SARDH: variants seen among roughly 807,000 people sequenced by gnomAD.
SARDH encodes the protein sarcosine dehydrogenase.
SARDH carries 95 observed loss-of-function variants against 109.1 expected under a neutral mutation model. The ratio of observed to expected loss-of-function variants is 0.87; its 90% CI spans 0.74 to 1.03. SARDH has a LOEUF of 1.03. Among genes scored for constraint, SARDH ranks in the 50% least tolerant of loss-of-function variants. The pLI is 0.00. For missense variants in SARDH, 1,267 were observed against 1,287.8 expected (o/e 0.98, Z 0.25); for synonymous variants, 572 against 534.8 (o/e 1.07, Z -0.96).
rs116423679 is a variant in SARDH, at chr9:133,710,204, C to T, written c.1329-1776G>A. On this transcript the variant is annotated intron_variant, in intron 10 of 20. Transcript: ENST00000439388. Reference sequence around the variant, plus strand: ...GCCAAGCGTCCACACGCATGAGCCTCGAGTGCGCTCCAAGAGGGTGGTACA... The same window carrying T: ...GCCAAGCGTCCACACGCATGAGCCTTGAGTGCGCTCCAAGAGGGTGGTACA... Among the ~76,000 whole-genome samples, 1,492 of 152,328 alleles carry T rather than the reference C, an allele frequency of 9.8e-3. 24 individuals carry two copies. Among genetic ancestry groups the T allele is most frequent in the African/African-American group, 0.034 (1,424 of 41,560 alleles).
chr9:133,694,516 A>G, intron 14 of SARDH, 145 bp from the exon 15 acceptor site: 1 of 719,606 alleles, frequency 1.4e-6, no homozygotes, highest in South Asian at 1.6e-5. Context: ...CTGGGAGGTG[A>G]CCTGGAGAGC....
chr9:133,671,458 G>A (rs1303844379), intron 18 of SARDH, 77 bp downstream of exon 18: 6 of 1,446,578 alleles, frequency 4.1e-6, no homozygotes, highest in East Asian at 2.6e-5. Flanking sequence ...ACAGCTTCTC[G>A]GCCTCCAGGT....
chr9:133,706,158 G>A (rs913747273), intron 11 of SARDH, among the ~76,000 whole-genome samples: 1 of 152,186 alleles, frequency 6.6e-6, no homozygotes, highest in Admixed American at 6.5e-5. Flanking sequence ...TTCCGTTCAC[G>A]CATGTTCACT....
intron 17 of SARDH, among the ~76,000 whole-genome samples, chr9:133,673,914 T>C (rs1830434101): frequency 6.6e-6 from 1 of 152,154 alleles, no homozygotes; most frequent in African/African-American, 2.4e-5. Context: ...AGCAGTCCCA[T>C]CCTTCCTGGC....
chr9:133,704,619 G>A lies in SARDH; in HGVS notation c.1554+329C>T, dbSNP rs1264484716. Among the ~76,000 whole-genome samples the A allele has an allele frequency of 2.6e-5, 4 of 152,176 alleles. No homozygotes were observed. The highest frequency in any genetic ancestry group is 9.7e-5 in the African/African-American group (4 of 41,438). ...GACGCTCCATTCCTCCTGCAACCTG[G>A]GGGAGTCTTCTTGCTGTCTCCCCAC... On this transcript the variant is annotated intron_variant, in intron 12 of 20. Transcript: ENST00000439388. The surrounding 1 kb of genome is among the most constrained non-coding windows in gnomAD (Gnocchi z 4.5).
At chr9:133,726,558 C>A (rs1261990681) in intron 6 of SARDH, among the ~76,000 whole-genome samples, 1 of 152,042 alleles carries the variant, frequency 6.6e-6, no homozygotes, top group Non-Finnish European at 1.5e-5. Flanking sequence ...GACTTACCTG[C>A]CCCTTGCACA....
In SARDH at chr9:133,718,362, G is replaced by A. The variant is rs1401088910; in HGVS notation, c.1020+576C>T. 5.6e-5 allele frequency: 15 copies of A among 270,068 alleles called. No homozygotes were observed. Among genetic ancestry groups the A allele is most frequent in the South Asian group, 1.8e-4 (3 of 16,616 alleles). The allele number at this position is 270,068 out of a possible 1,614,324, so 16.7% of individuals were successfully genotyped here. On this transcript the variant is annotated intron_variant, in intron 7 of 20. Coordinates refer to ENST00000439388, the MANE Select transcript of SARDH (RefSeq NM_001134707.2). This position sits in a 1 kb window ranked among gnomAD's most constrained non-coding sequence, Gnocchi z 4.2. ...GCTGGGATTACAGGTGTGAGCCACC[G>A]TGCCCAGCCATTTGTTTGTTTATTG...
chr9:133,688,541 C>G (rs976241400), intron 16 of SARDH, among the ~76,000 whole-genome samples: 2 of 152,086 alleles, frequency 1.3e-5, no homozygotes, highest in African/African-American at 2.4e-5. Flanking sequence ...CAGCAGAGAC[C>G]CCCCCACCAA....
chr9:133,729,989 C>T, intron 5 of SARDH, 75 bp downstream of exon 5: 1 of 1,597,406 alleles, frequency 6.3e-7, no homozygotes, highest in Admixed American at 1.7e-5. Context: ...CAGAAAGAAG[C>T]CCTGCAGAGG....
chr9:133,665,311 C>T (rs1363960770), intron 20 of SARDH, among the ~76,000 whole-genome samples: 1 of 152,218 alleles, frequency 6.6e-6, no homozygotes, highest in Non-Finnish European at 1.5e-5. Context: ...AAGGAGCCTC[C>T]ACTCCCCAGC....
At chr9:133,665,726 C>T (rs1354716033) in intron 20 of SARDH, among the ~76,000 whole-genome samples, 1 of 152,230 alleles carries the variant, frequency 6.6e-6, no homozygotes. Context: ...CCCCATTGGG[C>T]CTGCGAGCTG....
chr9:133,661,359 C>CAACA (rs1554738380), downstream of SARDH, among the ~76,000 whole-genome samples: 1 of 148,638 alleles, frequency 6.7e-6, no homozygotes, highest in Non-Finnish European at 1.5e-5. Flanking sequence ...ACAACAACAA[C>CAACA]AAAAAAAAAC....
intron 2 of SARDH, 101 bp from the exon 3 acceptor site, chr9:133,732,702 CTT>C: frequency 7.5e-7 from 1 of 1,340,434 alleles, no homozygotes. Context: ...CCATGGGTGT[CTT>C]TCTCTGCAAG....
At chr9:133,661,722 C>T (rs147374253), downstream of SARDH, among the ~76,000 whole-genome samples, 3,774 of 152,170 alleles carry the variant, frequency 0.025, 83 homozygotes, top group South Asian at 0.1. Flanking sequence ...CTCAGGTGAT[C>T]CGCCCCCCTC....
At chr9:133,716,380 C>G (rs989242558) in intron 8 of SARDH, among the ~76,000 whole-genome samples, 1 of 152,242 alleles carries the variant, frequency 6.6e-6, no homozygotes, top group African/African-American at 2.4e-5. Context: ...CCTGGGCTGC[C>G]CCACACTCAA....
At chr9:133,675,986 G>A (rs1175802007) in intron 17 of SARDH, among the ~76,000 whole-genome samples, 1 of 151,922 alleles carries the variant, frequency 6.6e-6, no homozygotes, top group Admixed American at 6.5e-5. Flanking sequence ...CCAGCTACTT[G>A]GAAGGCTGAA....
At chr9:133,676,633 T>C (rs2131347002) in intron 17 of SARDH, among the ~76,000 whole-genome samples, 1 of 152,120 alleles carries the variant, frequency 6.6e-6, no homozygotes, top group East Asian at 1.9e-4. Flanking sequence ...TCGGGGAATG[T>C]GAGGGAATGG....
Position 133,728,586 on chromosome 9 carries a change from T to G in SARDH, c.915+1179A>C, listed in dbSNP as rs1161156654. Among the ~76,000 whole-genome samples the G allele has an allele frequency of 6.6e-6, 1 of 152,150 alleles. No homozygotes were observed. The highest frequency in any genetic ancestry group is 1.5e-5 in the Non-Finnish European group (1 of 68,024). On this transcript the variant is annotated intron_variant, in intron 6 of 20. Transcript: ENST00000439388. This position sits in a 1 kb window ranked among gnomAD's most constrained non-coding sequence, Gnocchi z 5.0. ...CCCCTGGTCCACTAGGGCTGGGAATTCCTATAGCCCCTGAGACCCCATCAG... is the reference window on the plus strand; with the variant it reads ...CCCCTGGTCCACTAGGGCTGGGAATGCCTATAGCCCCTGAGACCCCATCAG...
Position 133,663,792 on chromosome 9 carries a change from A to G in SARDH, c.*97T>C. 1 of 1,536,258 alleles carries G rather than the reference A, an allele frequency of 6.5e-7. No homozygotes were observed. The highest frequency in any genetic ancestry group is 1.2e-5 in the South Asian group (1 of 81,846). ...GGCCTAGGCTAAGGACAGGGAGGGC[A>G]CAAGTTCTGGCTGGGTCCAGGGTCC... On this transcript the variant is annotated 3_prime_UTR_variant, in exon 21 of 21. Transcript: ENST00000439388.
Sources: gnomAD v4.1 joint callset for allele counts (sites outside exome capture counted in the v4.1 genomes callset) on GRCh38, gnomAD v4.1.1 for gene constraint, Gnocchi (gnomAD v3.1) non-coding constraint, MANE v1.5 for transcripts, NCBI Gene and HGNC (gene_info 2026-07-23, HGNC 2026-07-21) for gene names.